The following SLC1A6 variants were observed in gnomAD, a reference collection of about 807,000 sequenced individuals.
The protein encoded by SLC1A6 is solute carrier family 1 member 6.
Under a neutral mutation model 42.1 loss-of-function variants are expected in SLC1A6, and 15 were observed. The ratio of observed to expected loss-of-function variants is 0.36; its 90% CI spans 0.24 to 0.55. The LOEUF is 0.55. Among genes scored for constraint, SLC1A6 ranks in the 20% least tolerant of loss-of-function variants. SLC1A6 has a pLI of 0.88. For missense variants in SLC1A6, 542 were observed against 772.5 expected (o/e 0.70, Z 3.54); for synonymous variants, 317 against 319.7 (o/e 0.99, Z 0.09).
At chr19:14,952,392 C>CA (rs2045421705) in intron 9 of SLC1A6, among the ~76,000 whole-genome samples, 2 of 151,530 alleles carry the variant, frequency 1.3e-5, no homozygotes, top group African/African-American at 4.8e-5. Context: ...ACTGAAAATA[C>CA]AAAAAACCAA....
chr19:14,968,534 C>T (rs1168765462), intron 3 of SLC1A6, 27 bp from the exon 4 acceptor site: 2 of 1,571,952 alleles, frequency 1.3e-6, no homozygotes, highest in Admixed American at 3.4e-5. Flanking sequence ...GTGGCCCCCG[C>T]AGCTCCATGC....
intron 9 of SLC1A6, among the ~76,000 whole-genome samples, chr19:14,951,578 G>A (rs2045413961): frequency 6.6e-6 from 1 of 151,774 alleles, no homozygotes. Context: ...GTGCAGTGGT[G>A]CGATCTCGGC....
At position 14,956,463 on chromosome 19, in the gene SLC1A6, A is replaced by G; in HGVS notation, c.1169+13T>C. The G allele has an allele frequency of 6.5e-7, 1 of 1,532,824 alleles. No homozygotes were observed. The highest frequency in any genetic ancestry group is 8.9e-7 in the Non-Finnish European group (1 of 1,128,522). 95.0% of individuals were successfully genotyped at this position (1,532,824 alleles called of 1,614,324 possible). ...AACCAGGAATGGTGCTGGGGTGGGG[A>G]GCAAGGCCATACCTGGAAGACGTGC... On this transcript the variant is annotated intron_variant, in intron 7 of 9. Coordinates refer to ENST00000594383, the MANE Select transcript of SLC1A6 (RefSeq NM_005071.3).
At chr19:14,988,761 T>C (rs1480106280) in intron 1 of SLC1A6, among the ~76,000 whole-genome samples, 1 of 152,176 alleles carries the variant, frequency 6.6e-6, no homozygotes, top group Non-Finnish European at 1.5e-5. Flanking sequence ...ACGCCTGTAA[T>C]CCCAACACTG....
chr19:14,968,319 A>C lies in SLC1A6; in HGVS notation c.532T>G (p.Phe178Val). 3.1e-6 allele frequency: 5 copies of C among 1,613,014 alleles called. No homozygotes were observed. Among genetic ancestry groups the C allele is most frequent in the Non-Finnish European group, 4.2e-6 (5 of 1,179,462 alleles). ...TTGGCACACCTGATCAGGTCCATGAAGGCATCAGCTGTGGGGATGGTCTCG... is the reference window on the plus strand; with the variant it reads ...TTGGCACACCTGATCAGGTCCATGACGGCATCAGCTGTGGGGATGGTCTCG... ...RIETIPTADAFMDLIRNMFPP... is the reference protein window; with the variant it reads ...RIETIPTADAVMDLIRNMFPP... The change falls in exon 4 of 10, where the codon TTC (phenylalanine) becomes GTC (valine). Residue 178 changes from phenylalanine (F) to valine (V), a missense_variant. By Grantham distance (50) the Phe-to-Val change is conservative (BLOSUM62 -1). This residue lies in a region of SLC1A6 where 298 missense variants were observed against 419.4 expected (regional missense o/e 0.71). Transcript: ENST00000594383.
intron 1 of SLC1A6, among the ~76,000 whole-genome samples, chr19:15,007,277 A>G (rs4808826): frequency 0.84 from 127,502 of 152,206 alleles, 53,552 homozygotes; most frequent in East Asian, 0.92. Context: ...AGTGAGAGAA[A>G]CCAGATACAA....
chr19:14,954,264 G>C lies in SLC1A6; in HGVS notation c.1235C>G (p.Thr412Ser). 2 of 1,613,758 alleles carry C rather than the reference G, an allele frequency of 1.2e-6. No homozygotes were observed. The highest frequency in any genetic ancestry group is 1.7e-6 in the Non-Finnish European group (2 of 1,180,042). ...EEGLGVDRRI[T>S]RFVLPVGATV... Reference sequence around the variant, plus strand: ...GGCGCCCACGGGCAGGACGAACCTGGTGATGCGGCGGTCCACACCCAGGCC... The same window carrying C: ...GGCGCCCACGGGCAGGACGAACCTGCTGATGCGGCGGTCCACACCCAGGCC... The change falls in exon 8 of 10, where the codon ACC becomes AGC. Residue 412 changes from threonine (T) to serine (S), a missense_variant. Thr to Ser is a moderately conservative substitution (Grantham distance 58). Transcript: ENST00000594383.
chr19:14,981,291 TAA>T (rs569430449), upstream of SLC1A6, among the ~76,000 whole-genome samples: 51 of 135,824 alleles, frequency 3.8e-4, no homozygotes, highest in Non-Finnish European at 5.8e-4. Flanking sequence ...AGACCTTGTC[TAA>T]AAAAAAAAAA....
chr19:14,973,649 GC>G (rs1468606571), intron 1 of SLC1A6: 2 of 152,850 alleles, frequency 1.3e-5, no homozygotes, highest in Admixed American at 1.3e-4. Context: ...ATCATCACAA[GC>G]CTCTGGGGGC....
At chr19:14,958,047 G>A (rs913331333) in intron 6 of SLC1A6, among the ~76,000 whole-genome samples, 12 of 152,176 alleles carry the variant, frequency 7.9e-5, no homozygotes, top group Admixed American at 3.9e-4. Context: ...CGGGTCAATC[G>A]AGTGAGTTTC....
chr19:15,005,259 C>CAAAAA (rs59367163), intron 1 of SLC1A6, among the ~76,000 whole-genome samples: 1 of 91,104 alleles, frequency 1.1e-5, no homozygotes, highest in Non-Finnish European at 2.3e-5. Flanking sequence ...GACCCTGTCT[C>CAAAAA]AAAAAAAAAA....
intron 6 of SLC1A6, 105 bp downstream of exon 6, chr19:14,961,897 G>A (rs1047525481): frequency 2.0e-5 from 30 of 1,489,248 alleles, no homozygotes; most frequent in South Asian, 1.4e-4. Flanking sequence ...CACCCAATAC[G>A]TAAATGAATG....
At chr19:14,978,195 T>G (rs1431590399) in intron 1 of SLC1A6, 1 of 152,212 alleles carries the variant, frequency 6.6e-6, no homozygotes, top group African/African-American at 2.4e-5. Flanking sequence ...AGGGTGGGTC[T>G]TTCCCACTTG....
chr19:14,969,621 T>G (rs79519291), intron 3 of SLC1A6, among the ~76,000 whole-genome samples: 2,820 of 152,278 alleles, frequency 0.019, 80 homozygotes, highest in African/African-American at 0.064. Context: ...TTGAGAGCTA[T>G]CCCGCAATAA....
chr19:14,956,524 A>G lies in SLC1A6; in HGVS notation c.1121T>C (p.Ile374Thr), dbSNP rs372317771. 79 of 1,609,854 alleles carry G rather than the reference A, an allele frequency of 4.9e-5. No homozygotes were observed. The highest frequency in any genetic ancestry group is 1.8e-4 in the Admixed American group (11 of 59,710). Residue 374 changes from isoleucine to threonine, a missense_variant, in exon 7 of 10, where the codon ATT becomes ACT. Ile to Thr is a moderately conservative substitution (Grantham distance 89, BLOSUM62 -1). Transcript: ENST00000594383. ...GATGAGGGCTTGTAGCATGCCCCCA[A>G]TGAAGGGGAAGGGGTTCCGGTGAGT... ...LVTHRNPFPF[I>T]GGMLQALITA...
Position 14,954,334 on chromosome 19 carries a change from G to A in SLC1A6, c.1170-5C>T. 6.2e-7 allele frequency: 1 copy of A among 1,604,744 alleles called. No individual in the cohort carries two copies. Among genetic ancestry groups the A allele is most frequent in the Non-Finnish European group, 8.5e-7 (1 of 1,179,760 alleles). Reference sequence around the variant, plus strand: ...GTGATGGGCAGCGTTGCCGAGCTGGGGGAAAGAGCCCAGGACTGAGGATGG... The same window carrying A: ...GTGATGGGCAGCGTTGCCGAGCTGGAGGAAAGAGCCCAGGACTGAGGATGG... On this transcript the variant is annotated splice_region_variant and splice_polypyrimidine_tract_variant and intron_variant, in intron 7 of 9. Coordinates refer to ENST00000594383, the MANE Select transcript of SLC1A6 (RefSeq NM_005071.3).
intron 1 of SLC1A6, among the ~76,000 whole-genome samples, chr19:14,992,280 C>T (rs779073058): frequency 7.9e-5 from 12 of 152,136 alleles, no homozygotes; most frequent in Non-Finnish European, 1.2e-4. Context: ...GCTTAGTCGC[C>T]GGTTTTTTGG....
At chr19:15,002,865 T>G (rs1353066254) in intron 1 of SLC1A6, among the ~76,000 whole-genome samples, 1 of 151,458 alleles carries the variant, frequency 6.6e-6, no homozygotes, top group African/African-American at 2.4e-5. Context: ...AGGAAGACGT[T>G]GATGATGGAT....
At chr19:14,968,997 G>A (rs1289930371) in intron 3 of SLC1A6, among the ~76,000 whole-genome samples, 1 of 151,958 alleles carries the variant, frequency 6.6e-6, no homozygotes, top group African/African-American at 2.4e-5. Context: ...CTGCCACCAT[G>A]CCCAGCTAAT....
Sources: allele counts gnomAD v4.1 joint callset (sites outside exome capture counted in the v4.1 genomes callset), GRCh38; gene constraint gnomAD v4.1.1; regional missense constraint gnomAD v4.1.1; transcripts MANE v1.5; gene names NCBI Gene and HGNC (gene_info 2026-07-23, HGNC 2026-07-21).